The following AFAP1L1 variants were observed in gnomAD, a reference collection of about 807,000 sequenced individuals.
The protein encoded by AFAP1L1 is actin filament-associated protein 1-like 1.
Under a neutral mutation model 99.8 loss-of-function variants are expected in AFAP1L1, and 77 were observed. That is an observed-to-expected ratio of 0.77 (90% confidence interval 0.64 to 0.93). AFAP1L1 has a LOEUF of 0.93. Ranked by LOEUF, AFAP1L1 falls within the 40% of genes least tolerant of loss-of-function variation. The pLI is 0.00. For missense variants in AFAP1L1, 893 were observed against 996.8 expected (o/e 0.90, Z 1.40); for synonymous variants, 373 against 395.3 (o/e 0.94, Z 0.67).
Position 149,329,819 on chromosome 5 carries a change from G to T in AFAP1L1, c.1964G>T (p.Arg655Leu). The T allele has an allele frequency of 6.2e-7, 1 of 1,610,438 alleles. No individual in the cohort carries two copies. Among genetic ancestry groups the T allele is most frequent in the Non-Finnish European group, 8.5e-7 (1 of 1,178,230 alleles). ...AAGAGGGAACTGAAGGAAGCCATTC[G>T]GAGCAGCCCAGGTACCTATGTGGGT... ...QEKRELKEAI[R>L]SSPGAKLKAL... The change falls in exon 16 of 19, where the codon CGG becomes CTG. Residue 655 changes from arginine to leucine, a missense_variant. Coordinates refer to ENST00000296721, the MANE Select transcript of AFAP1L1 (RefSeq NM_152406.4).
intron 1 of AFAP1L1, among the ~76,000 whole-genome samples, chr5:149,274,458 T>C (rs1481300756): frequency 6.6e-6 from 1 of 152,246 alleles, no homozygotes; most frequent in Non-Finnish European, 1.5e-5. Context: ...GTCTTGTGGC[T>C]GGGCACACAA....
At chr5:149,330,340 T>G (rs76218347) in intron 16 of AFAP1L1, among the ~76,000 whole-genome samples, 174 of 152,326 alleles carry the variant, frequency 1.1e-3, no homozygotes, top group African/African-American at 3.9e-3. Flanking sequence ...TTCCTTTGCA[T>G]TCTCTCTAAC....
intron 1 of AFAP1L1, among the ~76,000 whole-genome samples, chr5:149,283,523 A>T (rs1368881731): frequency 6.6e-6 from 1 of 152,216 alleles, no homozygotes; most frequent in Non-Finnish European, 1.5e-5. Flanking sequence ...AAAAACTCAG[A>T]ACATACCTTA....
At chr5:149,280,252 TA>T (rs1174776572) in intron 1 of AFAP1L1, among the ~76,000 whole-genome samples, 1 of 152,240 alleles carries the variant, frequency 6.6e-6, no homozygotes, top group African/African-American at 2.4e-5. Flanking sequence ...TGTTGACTAT[TA>T]TTGGGAAATA....
intron 1 of AFAP1L1, among the ~76,000 whole-genome samples, chr5:149,286,701 A>G (rs1755693501): frequency 6.6e-6 from 1 of 152,242 alleles, no homozygotes; most frequent in Non-Finnish European, 1.5e-5. Context: ...ATTTCAGTAT[A>G]CAGGGTGCTC....
intron 2 of AFAP1L1, among the ~76,000 whole-genome samples, chr5:149,300,036 C>T (rs1756145262): frequency 6.6e-6 from 1 of 152,214 alleles, no homozygotes; most frequent in East Asian, 1.9e-4. Context: ...CGCCTGACAG[C>T]CCCAGTAATC....
intron 1 of AFAP1L1, among the ~76,000 whole-genome samples, chr5:149,277,895 G>C (rs745666842): frequency 6.6e-6 from 1 of 152,132 alleles, no homozygotes; most frequent in Non-Finnish European, 1.5e-5. Context: ...CCCTATGGAG[G>C]CTTCTCCTGG....
At position 149,299,559 on chromosome 5, in the gene AFAP1L1, C is replaced by T; in HGVS notation, c.67C>T (p.His23Tyr). Residue 23 changes from histidine (H) to tyrosine (Y), a missense_variant, in exon 2 of 19, where the codon CAC becomes TAC. Transcript: ENST00000296721. ...ELTGLLSLLD[H>Y]EYLSDTTLEK... is the part of the protein sequence containing the mutation. ...CACCGGGCTGCTCAGCCTCCTGGAC[C>T]ACGAGTACCTCAGCGATACCACCCT... 1 of 1,614,162 alleles carries T rather than the reference C, an allele frequency of 6.2e-7. No individual in the cohort carries two copies. Among genetic ancestry groups the T allele is most frequent in the Non-Finnish European group, 8.5e-7 (1 of 1,180,008 alleles).
chr5:149,335,680 C>T lies in AFAP1L1; in HGVS notation c.2241C>T (p.Ser747=). The T allele has an allele frequency of 6.2e-7, 1 of 1,613,882 alleles. No individual in the cohort carries two copies. The highest frequency in any genetic ancestry group is 8.5e-7 in the Non-Finnish European group (1 of 1,180,010). ...CTGAGCTGAGGAAGAGGAGCCCATC[C>T]ATCGTAGCCTCCAACCAAGGAAGGG... ...CVSELRKRSP[S]IVASNQGRVL... The change falls in exon 18 of 19, where the codon TCC becomes TCT. Residue 747 remains serine (S), a synonymous_variant. Transcript: ENST00000296721.
intron 15 of AFAP1L1, among the ~76,000 whole-genome samples, chr5:149,324,643 A>G (rs1005045247): frequency 6.6e-6 from 1 of 152,180 alleles, no homozygotes; most frequent in Non-Finnish European, 1.5e-5. Flanking sequence ...GCTTGGATAG[A>G]TAGTTCTGGC....
In AFAP1L1 at chr5:149,322,631, G is replaced by A. The variant is rs755228683; in HGVS notation, c.1724G>A (p.Gly575Glu). 1 of 1,586,802 alleles carries A rather than the reference G, an allele frequency of 6.3e-7. No individual in the cohort carries two copies. Among genetic ancestry groups the A allele is most frequent in the East Asian group, 2.3e-5 (1 of 43,704 alleles). Residue 575 changes from glycine to glutamate, a missense_variant, in exon 15 of 19, where the codon GGG becomes GAG. Gly to Glu is a moderately conservative substitution (Grantham distance 98, BLOSUM62 -2). Transcript: ENST00000296721. ...MQDEEPERPT[G>E]AQVKRHASSC... ...GACGAGGAGCCCGAGCGCCCCACAG[G>A]GGCCCAGGTGAAGCGTCACGCCTCC... is the stretch of plus-strand genomic sequence containing the variant.
At chr5:149,301,705 G>T (rs1241903161) in intron 4 of AFAP1L1, among the ~76,000 whole-genome samples, 1 of 151,894 alleles carries the variant, frequency 6.6e-6, no homozygotes, top group Non-Finnish European at 1.5e-5. Flanking sequence ...CAGAATGAAA[G>T]ACTGGACCAG....
intron 6 of AFAP1L1, among the ~76,000 whole-genome samples, 162 bp from the exon 7 acceptor site, chr5:149,307,240 C>A (rs1199985352): frequency 1.3e-5 from 2 of 151,824 alleles, no homozygotes; most frequent in Non-Finnish European, 2.9e-5. Context: ...GAGCGAGATT[C>A]CGTCTCCAAA....
chr5:149,300,434 G>A, intron 3 of AFAP1L1, 80 bp downstream of exon 3: 1 of 1,310,078 alleles, frequency 7.6e-7, no homozygotes, highest in Admixed American at 1.9e-5. Context: ...CGACTGGGCT[G>A]GGCTTGGCTC....
At chr5:149,281,365 C>A (rs188796291) in intron 1 of AFAP1L1, among the ~76,000 whole-genome samples, 176 of 152,324 alleles carry the variant, frequency 1.2e-3, no homozygotes, top group Non-Finnish European at 1.7e-3. Context: ...CTCTGCTCTT[C>A]CCCCTTCCTG....
intron 16 of AFAP1L1, among the ~76,000 whole-genome samples, chr5:149,332,104 T>G (rs2127604117): frequency 6.6e-6 from 1 of 152,132 alleles, no homozygotes. Context: ...CTAAAGAGAA[T>G]GGGGGTAGTG....
At position 149,322,645 on chromosome 5, in the gene AFAP1L1, C is replaced by G. The variant is rs969182346; in HGVS notation, c.1738C>G (p.Arg580Gly). Residue 580 changes from arginine (R) to glycine (G), a missense_variant, in exon 15 of 19, where the codon CGT (arginine) becomes GGT (glycine). Coordinates refer to ENST00000296721, the MANE Select transcript of AFAP1L1 (RefSeq NM_152406.4). ...GCGCCCCACAGGGGCCCAGGTGAAGCGTCACGCCTCCTCCTGCAGTGAGAA... is the reference window on the plus strand; with the variant it reads ...GCGCCCCACAGGGGCCCAGGTGAAGGGTCACGCCTCCTCCTGCAGTGAGAA... ...PERPTGAQVK[R>G]HASSCSEKSH... is the part of the protein sequence containing the mutation. The G allele has an allele frequency of 6.3e-7, 1 of 1,591,636 alleles. No individual in the cohort carries two copies. Among genetic ancestry groups the G allele is most frequent in the African/African-American group, 1.3e-5 (1 of 74,658 alleles).
chr5:149,300,449 A>G (rs1173065459), intron 3 of AFAP1L1, 95 bp downstream of exon 3: 8 of 1,098,982 alleles, frequency 7.3e-6, no homozygotes, highest in South Asian at 1.5e-5. Flanking sequence ...TGGCTCTAAC[A>G]TCGCATCATT....
chr5:149,312,694 T>G (rs925894808), intron 9 of AFAP1L1, among the ~76,000 whole-genome samples: 2 of 147,452 alleles, frequency 1.4e-5, no homozygotes, highest in Admixed American at 6.7e-5. Flanking sequence ...GAGGCTAAGG[T>G]AGGAGACTTA....
Sources: allele counts gnomAD v4.1 joint callset (sites outside exome capture counted in the v4.1 genomes callset), GRCh38; gene constraint gnomAD v4.1.1; transcripts MANE v1.5; gene names NCBI Gene and HGNC (gene_info 2026-07-23, HGNC 2026-07-21).